The following CACNA1D variants were observed in gnomAD, a reference collection of about 807,000 sequenced individuals.
The protein encoded by CACNA1D is voltage-dependent L-type calcium channel subunit alpha-1D.
A neutral mutation model predicts 257.1 loss-of-function variants in CACNA1D; 55 were observed. The observed-to-expected ratio is 0.21, with a 90% CI of 0.17 to 0.27. The LOEUF (loss-of-function observed/expected upper bound fraction) is 0.27. CACNA1D is among the 10% of genes least tolerant of loss of function. The pLI is 1.00. For missense variants in CACNA1D, 1,876 were observed against 2,784.0 expected (o/e 0.67, Z 7.34); for synonymous variants, 980 against 1,014.9 (o/e 0.97, Z 0.65).
chr3:53,519,727 A>G (rs999306268), intron 3 of CACNA1D, among the ~76,000 whole-genome samples: 1 of 152,200 alleles, frequency 6.6e-6, no homozygotes, highest in Admixed American at 6.5e-5. Context: ...CTGTTAAGCA[A>G]CCATCATCAA....
At chr3:53,499,480 T>A (rs754310639) in intron 2 of CACNA1D, among the ~76,000 whole-genome samples, 3 of 152,052 alleles carry the variant, frequency 2.0e-5, no homozygotes, top group African/African-American at 7.3e-5. Flanking sequence ...TCCTGCCCCC[T>A]GGAGGAGTGA....
intron 3 of CACNA1D, among the ~76,000 whole-genome samples, chr3:53,576,444 C>T (rs1413256971): frequency 2.0e-5 from 3 of 152,186 alleles, no homozygotes; most frequent in South Asian, 4.2e-4. Flanking sequence ...GGCCATTGAG[C>T]AGAGTCATTG....
intron 9 of CACNA1D, chr3:53,710,409 G>A (rs948576275): frequency 1.8e-5 from 8 of 456,572 alleles, no homozygotes; most frequent in East Asian, 6.9e-5. Context: ...CACAGTGGCC[G>A]ACTTGCTTAA....
chr3:53,728,054 T>C (rs2094953339), intron 15 of CACNA1D, among the ~76,000 whole-genome samples: 2 of 152,192 alleles, frequency 1.3e-5, no homozygotes, highest in African/African-American at 2.4e-5. Context: ...GAGAAGGTTC[T>C]TCTACCTCTG....
At chr3:53,618,797 A>C (rs2093664237) in intron 3 of CACNA1D, among the ~76,000 whole-genome samples, 2 of 152,200 alleles carry the variant, frequency 1.3e-5, no homozygotes, top group African/African-American at 4.8e-5. Context: ...AGGGCACTAC[A>C]GTAGTTGACG....
At chr3:53,501,231 T>C (rs2090587751) in intron 2 of CACNA1D, among the ~76,000 whole-genome samples, 1 of 152,252 alleles carries the variant, frequency 6.6e-6, no homozygotes, top group Admixed American at 6.5e-5. Context: ...TGATGATTTC[T>C]CTGTGTCTAC....
At chr3:53,691,850 T>TATATAATATATATTATATATATTAC (rs1202582474) in intron 8 of CACNA1D, among the ~76,000 whole-genome samples, 144 of 109,030 alleles carry the variant, frequency 1.3e-3, no homozygotes, top group African/African-American at 2.9e-3. Flanking sequence ...ACATATATAA[T>TATATAATATATATTATATATATTAC]ATATAATATA....
chr3:53,729,342 G>A (rs1172755541), intron 15 of CACNA1D, among the ~76,000 whole-genome samples: 1 of 152,184 alleles, frequency 6.6e-6, no homozygotes, highest in Non-Finnish European at 1.5e-5. Flanking sequence ...GTTAGGTTAT[G>A]TTGGTTTACG....
chr3:53,583,895 C>G (rs1480523718), intron 3 of CACNA1D, among the ~76,000 whole-genome samples: 2 of 152,160 alleles, frequency 1.3e-5, no homozygotes, highest in Non-Finnish European at 2.9e-5. Flanking sequence ...TTTCAAAGTC[C>G]TTTTTTCCTT....
chr3:53,803,454 A>C lies in CACNA1D; in HGVS notation c.5467A>C (p.Ile1823Leu). The C allele has an allele frequency of 6.2e-7, 1 of 1,614,106 alleles. No individual in the cohort carries two copies. The highest frequency in any genetic ancestry group is 8.5e-7 in the Non-Finnish European group (1 of 1,180,010). Residue 1823 changes from isoleucine to leucine, a missense_variant, in exon 44 of 48, where the codon ATT (isoleucine) becomes CTT (leucine). This residue lies in a region of CACNA1D where 491 missense variants were observed against 554.3 expected (regional missense o/e 0.89). Transcript: ENST00000350061. ...SDSGDEQLPT[I>L]CREDPEIHGY... Reference sequence around the variant, plus strand: ...CTCAGGAGATGAACAGCTCCCAACTATTTGCCGGGAAGACCCAGAGATACA... The same window carrying C: ...CTCAGGAGATGAACAGCTCCCAACTCTTTGCCGGGAAGACCCAGAGATACA...
At chr3:53,585,970 C>T (rs528635269) in intron 3 of CACNA1D, among the ~76,000 whole-genome samples, 3 of 152,160 alleles carry the variant, frequency 2.0e-5, no homozygotes, top group Admixed American at 6.5e-5. Context: ...TCCCTGCCTC[C>T]GAGAACTTCG....
chr3:53,802,515 G>C (rs1333463761), intron 43 of CACNA1D, among the ~76,000 whole-genome samples: 1 of 152,236 alleles, frequency 6.6e-6, no homozygotes, highest in Non-Finnish European at 1.5e-5. Flanking sequence ...CTGCTCTCTG[G>C]GGTCAAGCTT....
Position 53,812,466 on chromosome 3 carries a change from T to C in CACNA1D, c.*1060T>C, listed in dbSNP as rs4364157. On this transcript the variant is annotated 3_prime_UTR_variant, in exon 48 of 48. Coordinates refer to ENST00000350061, the MANE Select transcript of CACNA1D (RefSeq NM_001128840.3). ...AAACCTATCATCTTTCCACAAGATA[T>C]ACCAGATGACTATTTGCAGTCTTTT... 1 of 152,258 alleles carries C rather than the reference T, an allele frequency of 6.6e-6. No homozygotes were observed. Among genetic ancestry groups the C allele is most frequent in the East Asian group, 1.9e-4 (1 of 5,200 alleles). The allele number at this position is 152,258 out of a possible 1,614,324, so 9.4% of individuals were successfully genotyped here.
chr3:53,578,283 GC>G (rs2093072205), intron 3 of CACNA1D, among the ~76,000 whole-genome samples: 1 of 152,128 alleles, frequency 6.6e-6, no homozygotes, highest in Non-Finnish European at 1.5e-5. Context: ...TGGTATCTGA[GC>G]CAGGCCTGAG....
intron 3 of CACNA1D, among the ~76,000 whole-genome samples, chr3:53,586,904 G>C (rs1260681063): frequency 6.6e-6 from 1 of 152,138 alleles, no homozygotes; most frequent in Non-Finnish European, 1.5e-5. Flanking sequence ...CGCTGGGGGG[G>C]TAATGTGGGA....
chr3:53,761,022 C>A (rs1233398310), intron 29 of CACNA1D, among the ~76,000 whole-genome samples: 1 of 152,144 alleles, frequency 6.6e-6, no homozygotes, highest in Non-Finnish European at 1.5e-5. Flanking sequence ...GTGCAGACAG[C>A]CGGGACTGCG....
chr3:53,494,633 CGGCGGGCGCGGAGCGAGCG>C lies in CACNA1D; in HGVS notation c.-525_-507del, dbSNP rs958531763. On this transcript the variant is annotated 5_prime_UTR_variant, in exon 1 of 48. Coordinates refer to ENST00000350061, the MANE Select transcript of CACNA1D (RefSeq NM_001128840.3). ...GGCGAAGCCGGCGTGCGGCGCGGCG[CGGCGGGCGCGGAGCGAGCG>C]GGCGGGCGAGCGCCTCCGTCCCCGG... 4 of 145,638 alleles carry C rather than the reference CGGCGGGCGCGGAGCGAGCG, an allele frequency of 2.7e-5. No homozygotes were observed. The highest frequency in any genetic ancestry group is 6.1e-5 in the Non-Finnish European group (4 of 65,494). The allele number at this position is 145,638 out of a possible 1,614,324, so 9.0% of individuals were successfully genotyped here.
intron 3 of CACNA1D, among the ~76,000 whole-genome samples, chr3:53,506,004 T>G (rs913748320): frequency 1.3e-5 from 2 of 152,218 alleles, no homozygotes; most frequent in African/African-American, 4.8e-5. Context: ...GTCACGTAGT[T>G]CGGCATCTCA....
chr3:53,654,021 G>A (rs1468059740), intron 4 of CACNA1D, among the ~76,000 whole-genome samples: 1 of 152,140 alleles, frequency 6.6e-6, no homozygotes, highest in East Asian at 1.9e-4. Flanking sequence ...AAGTACTGGG[G>A]AAAAATGTCA....
Sources: allele counts gnomAD v4.1 joint callset (sites outside exome capture counted in the v4.1 genomes callset), GRCh38; gene constraint gnomAD v4.1.1; regional missense constraint gnomAD v4.1.1; transcripts MANE v1.5; gene names NCBI Gene and HGNC (gene_info 2026-07-23, HGNC 2026-07-21).